TASP1: variants seen among roughly 807,000 people sequenced by gnomAD.
The protein encoded by TASP1 is threonine aspartase 1.
Under a neutral mutation model 56.6 loss-of-function variants are expected in TASP1, and 16 were observed. The observed-to-expected ratio is 0.28, with a 90% CI of 0.19 to 0.43. The LOEUF (loss-of-function observed/expected upper bound fraction) is 0.43. Ranked by LOEUF, TASP1 falls within the 20% of genes least tolerant of loss-of-function variation. The probability of loss-of-function intolerance (pLI) is 1.00; values close to 1 mark genes in which losing one functional copy is unlikely to be tolerated. For synonymous variants in TASP1, 179 were observed against 184.2 expected (o/e 0.97, Z 0.23); for missense variants, 393 against 511.6 (o/e 0.77, Z 2.24).
chr20:13,139,575 C>T, the TASP1 span, among the ~76,000 whole-genome samples: 1 of 152,240 alleles, frequency 6.6e-6, no homozygotes, highest in East Asian at 1.9e-4. Context: ...TTTTCAAGGG[C>T]CATGGCTGGA....
At chr20:13,115,513 A>T in the TASP1 span, among the ~76,000 whole-genome samples, 1 of 152,130 alleles carries the variant, frequency 6.6e-6, no homozygotes, top group Non-Finnish European at 1.5e-5. Context: ...AGAACAAAAA[A>T]ATGGCTATTT....
chr20:13,526,823 G>A (rs1431084151), intron 10 of TASP1, among the ~76,000 whole-genome samples: 2 of 152,092 alleles, frequency 1.3e-5, no homozygotes, highest in African/African-American at 4.8e-5. Context: ...AAGGATAGGA[G>A]AATAAGAGCA....
chr20:13,166,705 G>C, the TASP1 span: 28 of 152,182 alleles, frequency 1.8e-4, no homozygotes, highest in African/African-American at 6.5e-4. Flanking sequence ...CAAAAAGACA[G>C]CGAGATATCT....
intron 10 of TASP1, among the ~76,000 whole-genome samples, chr20:13,502,703 T>C (rs1226083365): frequency 6.6e-6 from 1 of 152,092 alleles, no homozygotes; most frequent in African/African-American, 2.4e-5. Flanking sequence ...ACAGTGTTAT[T>C]AATCAGAGTG....
At position 13,475,418 on chromosome 20, in the gene TASP1, A is replaced by T. The variant is rs548695563; in HGVS notation, c.985+7809T>A. On this transcript the variant is annotated intron_variant, in intron 11 of 13. Transcript: ENST00000337743. ...ATAAGTGCTATAGATATTCTTGTGC[A>T]TGTCATCTGGTACATACATAGAAAT... Among the ~76,000 whole-genome samples the T allele has an allele frequency of 2.0e-5, 3 of 152,290 alleles. No individual in the cohort carries two copies. In the South Asian group the frequency reaches 6.2e-4, roughly 32 times the overall value.
chr20:13,504,695 A>C (rs1366098774), intron 10 of TASP1, among the ~76,000 whole-genome samples: 2 of 152,188 alleles, frequency 1.3e-5, no homozygotes, highest in East Asian at 3.8e-4. Flanking sequence ...AAAAGATGTA[A>C]ATTGTGGTAT....
At chr20:13,554,838 G>T (rs1451988651) in intron 8 of TASP1, among the ~76,000 whole-genome samples, 2 of 152,084 alleles carry the variant, frequency 1.3e-5, no homozygotes, top group Non-Finnish European at 2.9e-5. Flanking sequence ...CTTTTGGCTG[G>T]TGAAGGGCCT....
At chr20:13,199,970 T>C in the TASP1 span, among the ~76,000 whole-genome samples, 2 of 152,254 alleles carry the variant, frequency 1.3e-5, no homozygotes, top group Non-Finnish European at 2.9e-5. Context: ...GATTTATCCT[T>C]GGAAAATCAT....
At chr20:13,574,138 A>G (rs2046816620) in intron 6 of TASP1, among the ~76,000 whole-genome samples, 1 of 152,128 alleles carries the variant, frequency 6.6e-6, no homozygotes, top group East Asian at 1.9e-4. Flanking sequence ...AAAAAGAAAC[A>G]AAGTCCCCAA....
intron 11 of TASP1, among the ~76,000 whole-genome samples, chr20:13,481,583 G>A (rs2043143727): frequency 6.6e-6 from 1 of 152,100 alleles, no homozygotes; most frequent in Admixed American, 6.6e-5. Flanking sequence ...ACCAGAGTTT[G>A]CTATTGCCTA....
At chr20:13,186,042 C>T in the TASP1 span, among the ~76,000 whole-genome samples, 1 of 152,146 alleles carries the variant, frequency 6.6e-6, no homozygotes, top group East Asian at 1.9e-4. Context: ...CTGTTGAAGC[C>T]TAAAGTAGTA....
intron 1 of TASP1, among the ~76,000 whole-genome samples, chr20:13,633,430 A>C (rs1191035830): frequency 6.6e-6 from 1 of 152,188 alleles, no homozygotes; most frequent in Non-Finnish European, 1.5e-5. Flanking sequence ...TTTATAAAAA[A>C]ATTTTTATTA....
the TASP1 span, among the ~76,000 whole-genome samples, chr20:13,374,692 G>A: frequency 6.6e-6 from 1 of 152,112 alleles, no homozygotes. Context: ...GTAACATTTT[G>A]TAGCAACTCT....
intron 11 of TASP1, among the ~76,000 whole-genome samples, chr20:13,473,605 TGACTATA>T (rs1427496058): frequency 1.3e-5 from 2 of 152,196 alleles, no homozygotes; most frequent in African/African-American, 4.8e-5. Flanking sequence ...ACCATTCTCT[TGACTATA>T]TTCTGTCTAC....
chr20:13,441,692 T>C (rs986782686), intron 11 of TASP1, among the ~76,000 whole-genome samples: 1 of 152,104 alleles, frequency 6.6e-6, no homozygotes, highest in Non-Finnish European at 1.5e-5. Flanking sequence ...CAGAATGTAG[T>C]GGCAAGGCAA....
At chr20:13,402,637 A>G (rs1029224289) in intron 13 of TASP1, among the ~76,000 whole-genome samples, 6 of 152,240 alleles carry the variant, frequency 3.9e-5, no homozygotes, top group East Asian at 1.9e-4. Flanking sequence ...GTTGGATAAT[A>G]TAAGAACTAG....
the TASP1 span, among the ~76,000 whole-genome samples, chr20:13,111,879 G>A: frequency 1.1e-4 from 17 of 152,188 alleles, no homozygotes; most frequent in Admixed American, 9.8e-4. Flanking sequence ...CATTTTACTG[G>A]CAAATATTCC....
chr20:13,413,393 A>T (rs1381945512), intron 13 of TASP1, among the ~76,000 whole-genome samples: 4 of 152,082 alleles, frequency 2.6e-5, no homozygotes, highest in African/African-American at 7.2e-5. Context: ...TTTTAAGAAA[A>T]GCTGAGTAAT....
chr20:13,429,715 G>A (rs138741874), intron 12 of TASP1, among the ~76,000 whole-genome samples: 1 of 152,162 alleles, frequency 6.6e-6, no homozygotes, highest in Non-Finnish European at 1.5e-5. Flanking sequence ...AACAGTAAGA[G>A]ATACATGTTT....
Sources: gnomAD v4.1 joint callset for allele counts (sites outside exome capture counted in the v4.1 genomes callset) on GRCh38, gnomAD v4.1.1 for gene constraint, MANE v1.5 for transcripts, NCBI Gene and HGNC (gene_info 2026-07-23, HGNC 2026-07-21) for gene names.